The following SYNPR variants were observed in gnomAD, a reference collection of about 807,000 sequenced individuals.
The protein encoded by SYNPR is synaptoporin.
A neutral mutation model predicts 32.9 loss-of-function variants in SYNPR; 23 were observed. The ratio of observed to expected loss-of-function variants is 0.70; its 90% CI spans 0.50 to 0.99. The LOEUF (loss-of-function observed/expected upper bound fraction) is 0.99, where lower values mean the gene tolerates loss of function less well. Among genes scored for constraint, SYNPR ranks in the 50% least tolerant of loss-of-function variants. The pLI, the probability that SYNPR is intolerant of heterozygous loss-of-function variation, is 0.00. For missense variants in SYNPR, 318 were observed against 349.3 expected (o/e 0.91, Z 0.71); for synonymous variants, 146 against 135.9 (o/e 1.07, Z -0.52).
chr3:63,302,624 T>A (rs565293924), intron 2 of SYNPR, among the ~76,000 whole-genome samples: 1 of 150,748 alleles, frequency 6.6e-6, no homozygotes, highest in Non-Finnish European at 1.5e-5. Context: ...AATTTTTACA[T>A]ATTTATTTTC....
intron 2 of SYNPR, among the ~76,000 whole-genome samples, chr3:63,313,680 C>CATATATATCCAT (rs2086994696): frequency 1.6e-5 from 1 of 62,920 alleles, no homozygotes; most frequent in African/African-American, 6.1e-5. Context: ...AATTAATACA[C>CATATATATCCAT]ATATATATCC....
chr3:63,237,858 C>T (rs1360142369), intron 1 of SYNPR, among the ~76,000 whole-genome samples: 1 of 151,934 alleles, frequency 6.6e-6, no homozygotes, highest in African/African-American at 2.4e-5. Context: ...GGGATTTCTC[C>T]AGGCCTGGCC....
At chr3:63,513,479 G>T (rs965951740) in intron 3 of SYNPR, among the ~76,000 whole-genome samples, 2 of 152,040 alleles carry the variant, frequency 1.3e-5, no homozygotes, top group Non-Finnish European at 2.9e-5. Context: ...TAGCTGCATG[G>T]TATTATAGGA....
intron 3 of SYNPR, among the ~76,000 whole-genome samples, chr3:63,512,394 C>T (rs2106755991): frequency 6.6e-6 from 1 of 152,186 alleles, no homozygotes; most frequent in Non-Finnish European, 1.5e-5. Flanking sequence ...ATCCTAATCC[C>T]TAAAATCTAT....
chr3:63,322,347 A>G (rs539286214), intron 2 of SYNPR, among the ~76,000 whole-genome samples: 1 of 152,114 alleles, frequency 6.6e-6, no homozygotes, highest in East Asian at 1.9e-4. Flanking sequence ...TACTTTCTCA[A>G]ACTTATTAAT....
intron 2 of SYNPR, among the ~76,000 whole-genome samples, chr3:63,475,325 G>A (rs1394711822): frequency 6.6e-6 from 1 of 152,192 alleles, no homozygotes; most frequent in African/African-American, 2.4e-5. Flanking sequence ...CTGAACTCAA[G>A]GGAGGTGAAT....
At chr3:63,480,759 T>G (rs1276382140) in intron 2 of SYNPR, 73 bp from the exon 3 acceptor site, 1 of 1,541,900 alleles carries the variant, frequency 6.5e-7, no homozygotes, top group Non-Finnish European at 8.8e-7. Context: ...GACATTAAGC[T>G]CCTTTTGATA....
intron 2 of SYNPR, among the ~76,000 whole-genome samples, chr3:63,410,395 T>TA (rs1298273466): frequency 6.6e-6 from 1 of 152,176 alleles, no homozygotes; most frequent in Non-Finnish European, 1.5e-5. Flanking sequence ...AATTGGTTTT[T>TA]AAAATCTTTC....
At position 63,563,104 on chromosome 3, in the gene SYNPR, C is replaced by A. The variant is rs149090347; in HGVS notation, c.408+6363C>A. 2.3e-3 allele frequency among the ~76,000 whole-genome samples: 352 copies of A among 152,240 alleles called. 2 individuals are homozygous for A. Among genetic ancestry groups the A allele is most frequent in the African/African-American group, 8.0e-3 (332 of 41,554 alleles). ...GTCCCACAAAGGAAAATTGGAGGCA[C>A]TTTCCTTTGATTGACTGCTGCTTTC... On this transcript the variant is annotated intron_variant, in intron 4 of 5. Coordinates refer to ENST00000478300, the MANE Select transcript of SYNPR (RefSeq NM_001130003.2).
At chr3:63,594,137 T>A (rs139027251) in intron 4 of SYNPR, among the ~76,000 whole-genome samples, 39 of 152,030 alleles carry the variant, frequency 2.6e-4, no homozygotes, top group African/African-American at 9.2e-4. Context: ...GTGGTGAAGA[T>A]GAAATGAGGT....
intron 2 of SYNPR, among the ~76,000 whole-genome samples, chr3:63,255,619 G>A (rs1351296789): frequency 6.6e-6 from 1 of 152,124 alleles, no homozygotes; most frequent in Non-Finnish European, 1.5e-5. Context: ...ACTTGAGGAG[G>A]AGCCAAGATG....
chr3:63,603,613 T>C (rs112731392), intron 4 of SYNPR, among the ~76,000 whole-genome samples: 14,013 of 152,254 alleles, frequency 0.092, 942 homozygotes, highest in East Asian at 0.2. Flanking sequence ...ATGTGGTTTT[T>C]ATTTTTAGTT....
At chr3:63,258,949 A>G (rs529151071) in intron 2 of SYNPR, among the ~76,000 whole-genome samples, 2 of 152,182 alleles carry the variant, frequency 1.3e-5, no homozygotes, top group African/African-American at 2.4e-5. Flanking sequence ...AAACACCTCT[A>G]TGCAAATAAA....
At chr3:63,206,822 G>A in the SYNPR span, among the ~76,000 whole-genome samples, 2 of 152,184 alleles carry the variant, frequency 1.3e-5, no homozygotes, top group Non-Finnish European at 2.9e-5. Flanking sequence ...AGACACCTGA[G>A]CTGGGCCAAT....
intron 3 of SYNPR, among the ~76,000 whole-genome samples, chr3:63,495,452 G>A (rs1208337082): frequency 3.3e-5 from 5 of 152,188 alleles, no homozygotes; most frequent in African/African-American, 1.2e-4. Flanking sequence ...AGTGTAAAGT[G>A]CAGAGAATCA....
chr3:63,243,778 G>A (rs1235301415), intron 1 of SYNPR, among the ~76,000 whole-genome samples: 6 of 151,964 alleles, frequency 3.9e-5, no homozygotes. Context: ...CAATGAAAAG[G>A]ATAGAAAGTG....
chr3:63,556,654 C>T lies in SYNPR; in HGVS notation c.321C>T (p.Val107=). 1.2e-6 allele frequency: 2 copies of T among 1,613,848 alleles called. No individual in the cohort carries two copies. The highest frequency in any genetic ancestry group is 1.7e-6 in the Non-Finnish European group (2 of 1,179,846). The change falls in exon 4 of 6, where the codon GTC becomes GTT. Residue 107 remains valine (V), a synonymous_variant. Transcript: ENST00000478300. The part of the protein sequence containing the change: ...SSAEFFVTVA[V]FAFLYSLAAT... ...CAGAGTTCTTCGTCACTGTTGCTGTCTTCGCCTTCCTCTACTCTTTGGCTG... is the reference window on the plus strand; with the variant it reads ...CAGAGTTCTTCGTCACTGTTGCTGTTTTCGCCTTCCTCTACTCTTTGGCTG...
chr3:63,232,913 A>C (rs954711585), intron 1 of SYNPR, among the ~76,000 whole-genome samples: 3 of 152,248 alleles, frequency 2.0e-5, no homozygotes, highest in Non-Finnish European at 2.9e-5. Flanking sequence ...AATCGTATTA[A>C]AAATGTTTTA....
At chr3:63,420,013 G>A (rs1367957006) in intron 2 of SYNPR, among the ~76,000 whole-genome samples, 2 of 152,138 alleles carry the variant, frequency 1.3e-5, no homozygotes, top group Admixed American at 6.5e-5. Flanking sequence ...ATCTAACAAA[G>A]GGAGTGCAAG....
Sources: gnomAD v4.1 joint callset for allele counts (sites outside exome capture counted in the v4.1 genomes callset) on GRCh38, gnomAD v4.1.1 for gene constraint, MANE v1.5 for transcripts, NCBI Gene and HGNC (gene_info 2026-07-23, HGNC 2026-07-21) for gene names.